CCN4: variants seen among roughly 807,000 people sequenced by gnomAD.
The protein encoded by CCN4 is CCN family member 4.
In CCN4, 30 loss-of-function variants were observed where a neutral mutation model predicts 36.7. That is an observed-to-expected ratio of 0.82 (90% CI 0.61 to 1.11). The LOEUF (loss-of-function observed/expected upper bound fraction) is 1.11, where lower values mean the gene tolerates loss of function less well. Among genes scored for constraint, CCN4 ranks in the 50% least tolerant of loss-of-function variants. The pLI, the probability that CCN4 is intolerant of heterozygous loss-of-function variation, is 0.00. For synonymous variants in CCN4, 191 were observed against 195.4 expected (o/e 0.98, Z 0.19); for missense variants, 505 against 504.9 (o/e 1.00, Z 0.00).
rs549439070 is a variant in CCN4, at chr8:133,231,222, C to T, written c.*3512C>T. ...TCCTGACTATTATGTTGAACTATGT[C>T]GCTGCTTTTTACAAACTTGTCTTGA... On this transcript the variant is annotated 3_prime_UTR_variant, in exon 5 of 5. Transcript: ENST00000250160. 1.3e-5 allele frequency: 2 copies of T among 152,218 alleles called. No homozygotes were observed. The highest frequency in any genetic ancestry group is 4.8e-5 in the African/African-American group (2 of 41,542). 9.4% of individuals were successfully genotyped at this position (152,218 alleles called of 1,614,324 possible).
At chr8:133,200,151 G>T (rs995201681) in intron 1 of CCN4, among the ~76,000 whole-genome samples, 4 of 152,198 alleles carry the variant, frequency 2.6e-5, no homozygotes, top group Non-Finnish European at 4.4e-5. Context: ...GCGGTGGAGG[G>T]AGGACAGATA....
rs544611577 is a variant in CCN4, at chr8:133,218,951, CG to C, written c.350-1629del. ...CCTTCTCGACTCCTCTCCTTTCCCC[CG>C]CACAGCCCCTCTGTCAGTAAGTCCT... On this transcript the variant is annotated intron_variant, in intron 2 of 4. Transcript: ENST00000250160. 2.6e-5 allele frequency among the ~76,000 whole-genome samples: 4 copies of C among 152,214 alleles called. No homozygotes were observed. The East Asian group carries it at 7.7e-4, about 29-fold the overall frequency.
intron 2 of CCN4, among the ~76,000 whole-genome samples, chr8:133,217,936 C>CCACACACACACACACACACACA (rs58105917): frequency 0.11 from 15,807 of 144,188 alleles, 1,466 homozygotes; most frequent in East Asian, 0.34. Context: ...ACTCCCTTCT[C>CCACACACACACACACACACACA]CACACACACA....
chr8:133,215,842 A>G (rs1183219774), intron 2 of CCN4, among the ~76,000 whole-genome samples: 4 of 152,244 alleles, frequency 2.6e-5, no homozygotes, highest in Admixed American at 2.6e-4. Flanking sequence ...ACCAGGAGCT[A>G]TAGAAATTCT....
At chr8:133,201,819 G>A (rs1206607467) in intron 1 of CCN4, among the ~76,000 whole-genome samples, 1 of 151,080 alleles carries the variant, frequency 6.6e-6, no homozygotes, top group African/African-American at 2.4e-5. Flanking sequence ...CTCCAGCCTA[G>A]ACGATACACT....
At chr8:133,222,927 G>A (rs1195609530) in intron 3 of CCN4, among the ~76,000 whole-genome samples, 1 of 152,002 alleles carries the variant, frequency 6.6e-6, no homozygotes, top group Non-Finnish European at 1.5e-5. Flanking sequence ...ATGTGCACTG[G>A]AGGATGTTTA....
chr8:133,223,708 T>C (rs571284980), intron 3 of CCN4, among the ~76,000 whole-genome samples: 1 of 152,064 alleles, frequency 6.6e-6, no homozygotes, highest in African/African-American at 2.4e-5. Context: ...TGAGCTTCCA[T>C]CTGTCTTTCC....
intron 1 of CCN4, among the ~76,000 whole-genome samples, chr8:133,197,905 C>T (rs1005357114): frequency 3.9e-5 from 6 of 152,032 alleles, no homozygotes; most frequent in African/African-American, 7.3e-5. Flanking sequence ...GGGATGAAGG[C>T]GGGTAATTCT....
At chr8:133,223,301 G>A (rs1000601504) in intron 3 of CCN4, among the ~76,000 whole-genome samples, 1 of 152,074 alleles carries the variant, frequency 6.6e-6, no homozygotes, top group Non-Finnish European at 1.5e-5. Context: ...CTGCCTAGCC[G>A]AGGTGACCCA....
rs75958731 is a variant in CCN4 at position 133,215,733 on chromosome 8, A to G, written c.349+2590A>G. The stretch of plus-strand genomic sequence containing the variant: ...TACTTCCTTTCCTTTTATTTGAAAA[A>G]AACAAAAACTGTAGGCTAAAGGAGA... On this transcript the variant is annotated intron_variant, in intron 2 of 4. Coordinates refer to ENST00000250160, the MANE Select transcript of CCN4 (RefSeq NM_003882.4). Among the ~76,000 whole-genome samples, 1,023 of 152,232 alleles carry G rather than the reference A, an allele frequency of 6.7e-3. 15 individuals carry two copies. The highest frequency in any genetic ancestry group is 0.024 in the African/African-American group (983 of 41,528).
In CCN4 at chr8:133,206,497, G is replaced by A. The variant is rs369141389; in HGVS notation, c.70-6367G>A. 2.1e-4 allele frequency among the ~76,000 whole-genome samples: 32 copies of A among 152,250 alleles called. 1 individual carries two copies. The South Asian group carries it at 6.2e-3, about 30-fold the overall frequency. On this transcript the variant is annotated intron_variant, in intron 1 of 4. Transcript: ENST00000250160. ...GCTTCCCCCACTCCTTTTTTTGGGG[G>A]GTGGAAAAAGAGAACCATTCAGTGA... is the stretch of plus-strand genomic sequence containing the variant.
chr8:133,217,372 A>G (rs984952584), intron 2 of CCN4, among the ~76,000 whole-genome samples: 1 of 152,268 alleles, frequency 6.6e-6, no homozygotes, highest in Non-Finnish European at 1.5e-5. Context: ...ATGGCAGAGC[A>G]AGTTGACTTG....
intron 2 of CCN4, among the ~76,000 whole-genome samples, chr8:133,215,585 G>A (rs756684993): frequency 6.6e-6 from 1 of 152,058 alleles, no homozygotes; most frequent in Non-Finnish European, 1.5e-5. Context: ...TGTCCTGCCT[G>A]CCTTCCCCAC....
At position 133,230,889 on chromosome 8, in the gene CCN4, C is replaced by T. The variant is rs1241951965; in HGVS notation, c.*3179C>T. 1 of 152,210 alleles carries T rather than the reference C, an allele frequency of 6.6e-6. No individual in the cohort carries two copies. The highest frequency in any genetic ancestry group is 1.5e-5 in the Non-Finnish European group (1 of 68,048). 9.4% of individuals were successfully genotyped at this position (152,210 alleles called of 1,614,324 possible). On this transcript the variant is annotated 3_prime_UTR_variant, in exon 5 of 5. Transcript: ENST00000250160. ...GCAAACCTATAGAATATGGCATTAT[C>T]ATCTGAGTCTCACAGAAGTTTAGTC...
rs368120068 is a variant in CCN4 at position 133,195,319 on chromosome 8, GGT to G, written c.69+4120_69+4121del. Among the ~76,000 whole-genome samples the G allele has an allele frequency of 2.8e-4, 42 of 150,824 alleles. No homozygotes were observed. In the Middle Eastern group the frequency reaches 0.01, roughly 37 times the overall value. ...GTGTATGTGTTGTGTTTGCGTGTGT[GGT>G]GTGTGTGTGTGTGAACCTTGTGTTT... On this transcript the variant is annotated intron_variant, in intron 1 of 4. Coordinates refer to ENST00000250160, the MANE Select transcript of CCN4 (RefSeq NM_003882.4).
At chr8:133,197,110 T>C (rs1032095978) in intron 1 of CCN4, among the ~76,000 whole-genome samples, 1 of 151,948 alleles carries the variant, frequency 6.6e-6, no homozygotes, top group African/African-American at 2.4e-5. Context: ...GTGGTGGTGG[T>C]GGTGGTGCCT....
intron 2 of CCN4, 109 bp downstream of exon 2, chr8:133,213,252 T>C: frequency 7.4e-7 from 1 of 1,350,580 alleles, no homozygotes; most frequent in Admixed American, 2.1e-5. Flanking sequence ...CAGGCTTCCG[T>C]TCAGCAGGAG....
At chr8:133,223,573 T>C (rs2929965) in intron 3 of CCN4, among the ~76,000 whole-genome samples, 89,200 of 151,874 alleles carry the variant, frequency 0.59, 26,602 homozygotes, top group African/African-American at 0.69. Context: ...TTTATCTTTT[T>C]GCCTCTCTTT....
intron 1 of CCN4, among the ~76,000 whole-genome samples, chr8:133,197,372 C>G (rs1039080083): frequency 6.6e-6 from 1 of 152,080 alleles, no homozygotes; most frequent in African/African-American, 2.4e-5. Flanking sequence ...GCTCGGAGAA[C>G]ATGGGAGATG....
Sources: gnomAD v4.1 joint callset for allele counts (sites outside exome capture counted in the v4.1 genomes callset) on GRCh38, gnomAD v4.1.1 for gene constraint, MANE v1.5 for transcripts, NCBI Gene and HGNC (gene_info 2026-07-23, HGNC 2026-07-21) for gene names.